The following GRID1 variants were observed in gnomAD, a reference collection of about 807,000 sequenced individuals.
GRID1 encodes glutamate ionotropic receptor delta type subunit 1.
GRID1 carries 28 observed loss-of-function variants against 98.0 expected under a neutral mutation model. That is an observed-to-expected ratio of 0.29 (90% CI 0.21 to 0.39). GRID1 has a LOEUF of 0.39. Ranked by LOEUF, GRID1 falls within the 10% of genes least tolerant of loss-of-function variation. The probability of loss-of-function intolerance (pLI) is 1.00; values close to 1 mark genes in which losing one functional copy is unlikely to be tolerated. For missense variants in GRID1, 1,111 were observed against 1,340.5 expected (o/e 0.83, Z 2.67); for synonymous variants, 553 against 538.5 (o/e 1.03, Z -0.37).
chr10:85,892,492 C>T (rs1050341432), intron 5 of GRID1, among the ~76,000 whole-genome samples: 1 of 151,668 alleles, frequency 6.6e-6, no homozygotes, highest in Non-Finnish European at 1.5e-5. Flanking sequence ...AGATTAAGAG[C>T]TGAGTCCTCA....
At chr10:86,283,886 G>A (rs1449243668) in intron 2 of GRID1, among the ~76,000 whole-genome samples, 3 of 147,192 alleles carry the variant, frequency 2.0e-5, no homozygotes, top group East Asian at 2.1e-4. Flanking sequence ...ATACACACCT[G>A]CCCTCACACA....
intron 8 of GRID1, among the ~76,000 whole-genome samples, chr10:85,843,050 G>A (rs1380237302): frequency 6.6e-6 from 1 of 152,030 alleles, no homozygotes; most frequent in Admixed American, 6.6e-5. Flanking sequence ...CCAACAATGT[G>A]TAAAACGTTT....
chr10:86,314,334 C>T (rs1260103941), intron 2 of GRID1, among the ~76,000 whole-genome samples: 1 of 152,206 alleles, frequency 6.6e-6, no homozygotes, highest in East Asian at 1.9e-4. Flanking sequence ...GTTGTCCCAA[C>T]CATGAAGTCA....
intron 8 of GRID1, among the ~76,000 whole-genome samples, chr10:85,739,753 C>T (rs1841922134): frequency 6.6e-6 from 1 of 152,094 alleles, no homozygotes; most frequent in Admixed American, 6.6e-5. Flanking sequence ...AATATAAGTA[C>T]AGTTTTAACT....
chr10:85,611,020 A>G (rs750109435), intron 15 of GRID1, among the ~76,000 whole-genome samples: 1 of 152,198 alleles, frequency 6.6e-6, no homozygotes, highest in Non-Finnish European at 1.5e-5. Flanking sequence ...TCATCATTTC[A>G]TAACTGAGAT....
At chr10:86,145,253 G>A (rs1196369495) in intron 3 of GRID1, among the ~76,000 whole-genome samples, 3 of 152,018 alleles carry the variant, frequency 2.0e-5, no homozygotes, top group Admixed American at 1.3e-4. Context: ...ACAGAGTCTC[G>A]CTCTTGTTGC....
intron 8 of GRID1, among the ~76,000 whole-genome samples, chr10:85,744,707 C>T (rs1303952369): frequency 1.9e-5 from 1 of 52,640 alleles, no homozygotes; most frequent in Admixed American, 2.4e-4. Context: ...CAACAAAAGC[C>T]AAAATTGACA....
intron 4 of GRID1, among the ~76,000 whole-genome samples, chr10:85,970,348 A>G (rs1308914983): frequency 1.3e-5 from 2 of 152,114 alleles, no homozygotes; most frequent in Admixed American, 6.5e-5. Context: ...TACTAAAATC[A>G]GACAAAGACA....
intron 8 of GRID1, among the ~76,000 whole-genome samples, chr10:85,731,820 G>A (rs1590208976): frequency 8.1e-6 from 1 of 123,570 alleles, no homozygotes; most frequent in Non-Finnish European, 1.7e-5. Flanking sequence ...AAAAGAAGAA[G>A]AAGGAAGGAA....
chr10:86,338,988 G>A (rs1848270721), intron 2 of GRID1, among the ~76,000 whole-genome samples: 2 of 152,140 alleles, frequency 1.3e-5, no homozygotes, highest in African/African-American at 4.8e-5. Context: ...GTTGCTCAAG[G>A]TCAAAAACTA....
chr10:85,757,575 A>G (rs1286179140), intron 8 of GRID1, among the ~76,000 whole-genome samples: 1 of 152,260 alleles, frequency 6.6e-6, no homozygotes, highest in Non-Finnish European at 1.5e-5. Flanking sequence ...GAAAGTGGGA[A>G]GAAGCTCACT....
chr10:86,193,318 G>A (rs1273534617), intron 3 of GRID1, among the ~76,000 whole-genome samples: 5 of 152,144 alleles, frequency 3.3e-5, no homozygotes, highest in Admixed American at 6.5e-5. Flanking sequence ...GTGGTTGTGT[G>A]CCTGGCACAG....
At chr10:86,037,953 G>A (rs1174909657) in intron 4 of GRID1, among the ~76,000 whole-genome samples, 2 of 152,130 alleles carry the variant, frequency 1.3e-5, no homozygotes, top group East Asian at 1.9e-4. Flanking sequence ...CTTTAAAGAG[G>A]TGGTTAAGTT....
intron 7 of GRID1, among the ~76,000 whole-genome samples, chr10:85,855,440 C>A (rs1038051522): frequency 2.6e-5 from 4 of 152,204 alleles, no homozygotes; most frequent in African/African-American, 4.8e-5. Flanking sequence ...TGGCTCTGCC[C>A]TGGGCTGTAG....
intron 12 of GRID1, among the ~76,000 whole-genome samples, chr10:85,708,385 C>G (rs1457171297): frequency 2.3e-5 from 3 of 129,258 alleles, no homozygotes; most frequent in Non-Finnish European, 4.9e-5. Context: ...GCCTGGGGCA[C>G]AAAGCAAGAC....
At chr10:85,901,249 T>TTATG (rs982452697) in intron 5 of GRID1, among the ~76,000 whole-genome samples, 2 of 150,322 alleles carry the variant, frequency 1.3e-5, no homozygotes, top group African/African-American at 5.0e-5. Flanking sequence ...ATTTATTTAT[T>TTATG]TATTTATTTA....
chr10:86,226,133 G>A (rs899003870), intron 2 of GRID1, among the ~76,000 whole-genome samples: 5 of 151,974 alleles, frequency 3.3e-5, no homozygotes, highest in East Asian at 1.9e-4. Context: ...AGGACATCCC[G>A]GAAGACCTCA....
At chr10:85,689,989 T>C (rs1329243420) in intron 12 of GRID1, among the ~76,000 whole-genome samples, 1 of 152,112 alleles carries the variant, frequency 6.6e-6, no homozygotes, top group East Asian at 1.9e-4. Context: ...AGTAAGAACC[T>C]AAATGCAGAA....
chr10:85,727,878 T>C lies in GRID1; in HGVS notation c.1510A>G (p.Met504Val), dbSNP rs533935288. The C allele has an allele frequency of 1.4e-5, 22 of 1,613,624 alleles. No individual in the cohort carries two copies. Among genetic ancestry groups the C allele is most frequent in the Non-Finnish European group, 1.8e-5 (21 of 1,179,868 alleles). The change falls in exon 10 of 16, where the codon ATG becomes GTG. Residue 504 changes from methionine (M) to valine (V), a missense_variant. Physicochemically the swap from Met to Val is conservative, Grantham distance 21 (BLOSUM62 1). Around this residue, in one of 3 missense-constraint regions of GRID1, gnomAD observed 762 missense variants for 869.1 expected, o/e 0.88. Coordinates refer to ENST00000327946, the MANE Select transcript of GRID1 (RefSeq NM_017551.3). ...HQLHNTSWNG[M>V]IGELISKRAD... ...ACCTTGCTGATGAGCTCCCCGATCA[T>C]CCCGTTCCAGGAGGTGTTATGGAGC...
Sources: gnomAD v4.1 joint callset for allele counts (sites outside exome capture counted in the v4.1 genomes callset) on GRCh38, gnomAD v4.1.1 for gene constraint, gnomAD v4.1.1 regional missense constraint, MANE v1.5 for transcripts, NCBI Gene and HGNC (gene_info 2026-07-23, HGNC 2026-07-21) for gene names.